The following MBD5 variants were observed in gnomAD, a reference collection of about 807,000 sequenced individuals.
MBD5 encodes the protein methyl-CpG-binding domain protein 5.
MBD5 carries 13 observed loss-of-function variants against 117.3 expected under a neutral mutation model. The observed-to-expected ratio is 0.11, with a 90% CI of 0.07 to 0.18. The LOEUF (loss-of-function observed/expected upper bound fraction) is 0.18, where lower values mean the gene tolerates loss of function less well. Among genes scored for constraint, MBD5 ranks in the 10% least tolerant of loss-of-function variants. The pLI, the probability that MBD5 is intolerant of heterozygous loss-of-function variation, is 1.00. For synonymous variants in MBD5, 727 were observed against 766.4 expected (o/e 0.95, Z 0.85); for missense variants, 1,879 against 2,093.8 (o/e 0.90, Z 2.00).
intron 1 of MBD5, chr2:148,055,094 G>C (rs966289278): frequency 3.3e-5 from 5 of 152,078 alleles, no homozygotes; most frequent in African/African-American, 4.8e-5. Context: ...TTCTTTTTAT[G>C]TTCTGATACT....
chr2:148,483,406 T>G lies in MBD5; in HGVS notation c.2815T>G (p.Leu939Val). Residue 939 changes from leucine (L) to valine (V), a missense_variant, in exon 9 of 14, where the codon TTA (leucine) becomes GTA (valine). This residue lies in a region of MBD5 where 1,666 missense variants were observed against 1,792.2 expected (regional missense o/e 0.93). Transcript: ENST00000642680. ...ACAGCATCTCCTAAACCAGAATCTATTAAATATCCTCCAGCCTTCAGCAGG... is the reference window on the plus strand; with the variant it reads ...ACAGCATCTCCTAAACCAGAATCTAGTAAATATCCTCCAGCCTTCAGCAGG... ...NQQHLLNQNL[L>V]NILQPSAGEG... 1 of 1,614,052 alleles carries G rather than the reference T, an allele frequency of 6.2e-7. No individual in the cohort carries two copies. Among genetic ancestry groups the G allele is most frequent in the Non-Finnish European group, 8.5e-7 (1 of 1,179,928 alleles).
At chr2:148,257,780 A>G (rs1045152907) in intron 3 of MBD5, among the ~76,000 whole-genome samples, 6 of 152,208 alleles carry the variant, frequency 3.9e-5, no homozygotes, top group Admixed American at 1.3e-4. Flanking sequence ...TGCCTGTCCC[A>G]TGTGAAGGCG....
chr2:148,226,007 G>C (rs947995172), intron 2 of MBD5, among the ~76,000 whole-genome samples: 1 of 151,958 alleles, frequency 6.6e-6, no homozygotes, highest in African/African-American at 2.4e-5. Flanking sequence ...GGTTTGGGAA[G>C]TTCTCTGTTG....
intron 8 of MBD5, 24 bp downstream of exon 8, chr2:148,470,485 A>G (rs1680759470): frequency 6.5e-7 from 1 of 1,550,286 alleles, no homozygotes. Flanking sequence ...AGAAAAAAGT[A>G]CCCAAAGGTA....
Position 148,469,643 on chromosome 2 carries a change from A to G in MBD5, c.1700A>G (p.Asn567Ser), listed in dbSNP as rs116095017. The G allele has an allele frequency of 4.3e-6, 7 of 1,613,946 alleles. No individual in the cohort carries two copies. The highest frequency in any genetic ancestry group is 1.7e-4 in the Middle Eastern group (1 of 6,060). Residue 567 changes from asparagine (N) to serine (S), a missense_variant, in exon 8 of 14, where the codon AAC (asparagine) becomes AGC (serine). Coordinates refer to ENST00000642680, the MANE Select transcript of MBD5 (RefSeq NM_001378120.1). ...GGAATGCCTTTAAATCAGATCTTGA[A>G]CCAGCACAATGCTGCCTCCTTTCCA... ...LLGMPLNQIL[N>S]QHNAASFPAS...
rs369056552 is a variant in MBD5 at position 148,120,066 on chromosome 2, G to A, written c.-924-58634G>A. On this transcript the variant is annotated intron_variant, in intron 1 of 13. Transcript: ENST00000642680. Reference sequence around the variant, plus strand: ...TAAGTATCTGGGACTACAGGCGCACGCCACCATGCCTGGCTAATTTTTATA... The same window carrying A: ...TAAGTATCTGGGACTACAGGCGCACACCACCATGCCTGGCTAATTTTTATA... Among the ~76,000 whole-genome samples, 6 of 152,128 alleles carry A rather than the reference G, an allele frequency of 3.9e-5. No individual in the cohort carries two copies. The East Asian group carries it at 7.7e-4, about 20-fold the overall frequency.
At chr2:148,201,281 T>C (rs193298395) in intron 2 of MBD5, among the ~76,000 whole-genome samples, 1 of 152,328 alleles carries the variant, frequency 6.6e-6, no homozygotes, top group African/African-American at 2.4e-5. Flanking sequence ...GGGCTCCACA[T>C]GGGGCTTGTT....
At chr2:148,434,036 G>A (rs1706076533) in intron 4 of MBD5, among the ~76,000 whole-genome samples, 2 of 151,838 alleles carry the variant, frequency 1.3e-5, no homozygotes, top group Admixed American at 1.3e-4. Context: ...TTTCTGGTTG[G>A]TAGGCTTTTT....
intron 1 of MBD5, among the ~76,000 whole-genome samples, chr2:148,098,893 A>T (rs766438406): frequency 2.0e-5 from 3 of 151,964 alleles, no homozygotes; most frequent in Non-Finnish European, 4.4e-5. Context: ...TCTACAATAA[A>T]ATAAAATAAA....
intron 2 of MBD5, among the ~76,000 whole-genome samples, chr2:148,207,768 A>G (rs976413085): frequency 2.0e-5 from 3 of 152,174 alleles, no homozygotes; most frequent in East Asian, 3.8e-4. Flanking sequence ...ATCACCCAAA[A>G]TAAAATCAAC....
At position 148,188,414 on chromosome 2, in the gene MBD5, T is replaced by C. The variant is rs191041881; in HGVS notation, c.-831+9621T>C. Among the ~76,000 whole-genome samples, 3 of 152,206 alleles carry C rather than the reference T, an allele frequency of 2.0e-5. No homozygotes were observed. The East Asian group carries it at 5.8e-4, about 29-fold the overall frequency. On this transcript the variant is annotated intron_variant, in intron 2 of 13. Transcript: ENST00000642680. Reference sequence around the variant, plus strand: ...AGAATACTAGAGAACTGGCTAGGCATGATGGCCAATGCCTGTAAGTAAACA... The same window carrying C: ...AGAATACTAGAGAACTGGCTAGGCACGATGGCCAATGCCTGTAAGTAAACA...
intron 3 of MBD5, among the ~76,000 whole-genome samples, chr2:148,235,126 C>T (rs1016351613): frequency 1.3e-5 from 2 of 152,108 alleles, no homozygotes; most frequent in African/African-American, 2.4e-5. Flanking sequence ...ATTACTTATA[C>T]TACCTAATAC....
Position 148,490,315 on chromosome 2 carries a change from T to C in MBD5, c.4683T>C (p.Ser1561=), listed in dbSNP as rs1559099617. The change falls in exon 11 of 14, where the codon TCT becomes TCC. Residue 1561 remains serine (S), a synonymous_variant. Transcript: ENST00000642680. ...SPSSSNSLEN[S]LVKDYIHYNG... is the part of the protein sequence containing the mutation. ...GTTCCTCAAATAGTTTGGAAAATTC[T>C]CTGGTCAAAGACTACATCCATTACA... 3 of 1,614,208 alleles carry C rather than the reference T, an allele frequency of 1.9e-6. No individual in the cohort carries two copies. Among genetic ancestry groups the C allele is most frequent in the Middle Eastern group, 1.6e-4 (1 of 6,062 alleles).
At chr2:148,055,204 T>C (rs1694822466) in intron 1 of MBD5, 1 of 152,172 alleles carries the variant, frequency 6.6e-6, no homozygotes, top group East Asian at 1.9e-4. Flanking sequence ...GTAGAAATTT[T>C]CTTATTTTTG....
chr2:148,344,718 G>A (rs1212949140), intron 4 of MBD5, among the ~76,000 whole-genome samples: 1 of 151,898 alleles, frequency 6.6e-6, no homozygotes, highest in Non-Finnish European at 1.5e-5. Flanking sequence ...AGTCTTTAGT[G>A]TTTTCAAGGT....
chr2:148,465,628 C>T (rs1707236837), intron 7 of MBD5, among the ~76,000 whole-genome samples: 1 of 152,012 alleles, frequency 6.6e-6, no homozygotes, highest in Admixed American at 6.6e-5. Flanking sequence ...TAGGAAAAAC[C>T]TTCTCCATAA....
intron 4 of MBD5, among the ~76,000 whole-genome samples, chr2:148,381,232 C>T (rs1030548366): frequency 3.9e-5 from 6 of 152,052 alleles, no homozygotes; most frequent in East Asian, 1.9e-4. Context: ...AAAAATTAGA[C>T]GAATGGATAA....
chr2:148,297,041 A>G (rs1486302576), intron 3 of MBD5, among the ~76,000 whole-genome samples: 1 of 150,604 alleles, frequency 6.6e-6, no homozygotes, highest in Non-Finnish European at 1.5e-5. Flanking sequence ...CGCCCGACTA[A>G]TTGTTTTTAT....
At chr2:148,179,902 C>A (rs1227476326) in intron 2 of MBD5, among the ~76,000 whole-genome samples, 1 of 151,866 alleles carries the variant, frequency 6.6e-6, no homozygotes, top group African/African-American at 2.4e-5. Context: ...TTTTAAAGAA[C>A]AGAAATAAAT....
Sources: gnomAD v4.1 joint callset for allele counts (sites outside exome capture counted in the v4.1 genomes callset) on GRCh38, gnomAD v4.1.1 for gene constraint, gnomAD v4.1.1 regional missense constraint, MANE v1.5 for transcripts, NCBI Gene and HGNC (gene_info 2026-07-23, HGNC 2026-07-21) for gene names.